The following B4GALT1 variants were observed in gnomAD, a reference collection of about 807,000 sequenced individuals.
The protein encoded by B4GALT1 is beta-1,4-galactosyltransferase 1.
A neutral mutation model predicts 34.9 loss-of-function variants in B4GALT1; 16 were observed. That is an observed-to-expected ratio of 0.46 (90% CI 0.31 to 0.70). The LOEUF is 0.70. B4GALT1 is among the 30% of genes least tolerant of loss of function. The pLI is 0.05. For missense variants in B4GALT1, 445 were observed against 530.5 expected, an observed-to-expected ratio of 0.84 and a Z score of 1.58; for synonymous variants, 221 against 218.1, an observed-to-expected ratio of 1.01 and a Z score of -0.12.
chr9:33,184,187 A>G, the B4GALT1 span, among the ~76,000 whole-genome samples: 2 of 152,018 alleles, frequency 1.3e-5, no homozygotes, highest in African/African-American at 4.8e-5. Flanking sequence ...AAAAGGAAAT[A>G]TAAAAAAGAA....
chr9:33,149,516 C>T (rs1385655637), intron 1 of B4GALT1, among the ~76,000 whole-genome samples: 2 of 152,066 alleles, frequency 1.3e-5, no homozygotes, highest in African/African-American at 2.4e-5. Context: ...AACTTCTGAC[C>T]TCAAGCAATT....
At chr9:33,161,540 A>G (rs1323199659) in intron 1 of B4GALT1, among the ~76,000 whole-genome samples, 1 of 152,072 alleles carries the variant, frequency 6.6e-6, no homozygotes, top group Non-Finnish European at 1.5e-5. Flanking sequence ...GACAGGAGGG[A>G]CCCTGTGAGT....
chr9:33,175,498 C>G, the B4GALT1 span, among the ~76,000 whole-genome samples: 7 of 152,022 alleles, frequency 4.6e-5, no homozygotes, highest in African/African-American at 1.2e-4. Flanking sequence ...GAAATTTACT[C>G]TCAAATACCA....
intron 1 of B4GALT1, among the ~76,000 whole-genome samples, chr9:33,162,576 C>T (rs1840690050): frequency 6.6e-6 from 1 of 152,210 alleles, no homozygotes; most frequent in Admixed American, 6.5e-5. Flanking sequence ...TTCTGAAACG[C>T]TAGGGCATAT....
rs116176313 is a variant in B4GALT1 at position 33,121,183 on chromosome 9, C to G, written c.649-577G>C. Among the ~76,000 whole-genome samples, 801 of 152,218 alleles carry G rather than the reference C, an allele frequency of 5.3e-3. 9 individuals are homozygous for G. The highest frequency in any genetic ancestry group is 0.018 in the African/African-American group (768 of 41,536). On this transcript the variant is annotated intron_variant, in intron 2 of 5. Transcript: ENST00000379731. Reference sequence around the variant, plus strand: ...CACAAACCTAGGCACCTGAGAAATACAGCAAACCCAACTCAACCTCTGCCC... The same window carrying G: ...CACAAACCTAGGCACCTGAGAAATAGAGCAAACCCAACTCAACCTCTGCCC...
chr9:33,181,940 T>G, the B4GALT1 span, among the ~76,000 whole-genome samples: 3 of 120,624 alleles, frequency 2.5e-5, no homozygotes, highest in Admixed American at 2.5e-4. Context: ...GGGACAGGCT[T>G]CTTCTTCTTT....
At chr9:33,107,772 T>G (rs1839809885), downstream of B4GALT1, among the ~76,000 whole-genome samples, 1 of 152,028 alleles carries the variant, frequency 6.6e-6, no homozygotes, top group Admixed American at 6.5e-5. Flanking sequence ...CCCTCCCTGG[T>G]CCCTTGGAGC....
chr9:33,144,006 G>A (rs1246575399), intron 1 of B4GALT1, among the ~76,000 whole-genome samples: 1 of 151,648 alleles, frequency 6.6e-6, no homozygotes, highest in Admixed American at 6.6e-5. Flanking sequence ...TCGGCCTCCT[G>A]AGTAGCTGGG....
At chr9:33,183,195 T>C in the B4GALT1 span, among the ~76,000 whole-genome samples, 1 of 152,206 alleles carries the variant, frequency 6.6e-6, no homozygotes, top group Admixed American at 6.5e-5. Flanking sequence ...TCATCCTTTT[T>C]TCCAGCTTAT....
intron 2 of B4GALT1, among the ~76,000 whole-genome samples, chr9:33,128,232 C>T (rs1840141595): frequency 1.3e-5 from 2 of 151,970 alleles, no homozygotes; most frequent in South Asian, 4.1e-4. Context: ...GGTAAAAGGC[C>T]CCTGCTAGAA....
chr9:33,184,253 TACACACACAC>T, the B4GALT1 span, among the ~76,000 whole-genome samples: 25 of 147,232 alleles, frequency 1.7e-4, no homozygotes, highest in Non-Finnish European at 2.7e-4. Flanking sequence ...GTCACTCTTG[TACACACACAC>T]ACACACACAC....
chr9:33,113,419 G>C lies in B4GALT1; in HGVS notation c.*35C>G. On this transcript the variant is annotated 3_prime_UTR_variant, in exon 6 of 6. Coordinates refer to ENST00000379731, the MANE Select transcript of B4GALT1 (RefSeq NM_001497.4). ...CAGAGACACACAGCAGAGGTCCCTG[G>C]CTAATTTCAGGTCTCTTATCCGTGT... The C allele has an allele frequency of 6.2e-7, 1 of 1,613,880 alleles. No homozygotes were observed. The highest frequency in any genetic ancestry group is 1.7e-5 in the Admixed American group (1 of 60,006).
Position 33,167,026 on chromosome 9 carries a change from G to T in B4GALT1, c.144C>A (p.Ser48Arg). The T allele has an allele frequency of 6.3e-7, 1 of 1,598,720 alleles. No individual in the cohort carries two copies. The change falls in exon 1 of 6, where the codon AGC (serine) becomes AGA (arginine). Residue 48 changes from serine (S) to arginine (R), a missense_variant. Physicochemically the swap from Ser to Arg is moderately radical, Grantham distance 110 (BLOSUM62 -1). Around this residue, in one of 3 missense-constraint regions of B4GALT1, gnomAD observed 349 missense variants for 395.5 expected, o/e 0.88. Transcript: ENST00000379731. ...AGACTCCGACCAGTTGGGGCAGGCG[G>T]CTCAGGTCGCGGCCAGCCAGGTAGT... ...LVYYLAGRDL[S>R]RLPQLVGVST...
At chr9:33,122,597 G>A (rs1206535976) in intron 2 of B4GALT1, among the ~76,000 whole-genome samples, 3 of 152,164 alleles carry the variant, frequency 2.0e-5, no homozygotes, top group Admixed American at 2.0e-4. Context: ...GCACAGATGT[G>A]CCACAGCCAC....
Position 33,116,049 on chromosome 9 carries a change from T to C in B4GALT1, c.901A>G (p.Asn301Asp), listed in dbSNP as rs754385275. 1.9e-6 allele frequency: 3 copies of C among 1,613,512 alleles called. No individual in the cohort carries two copies. Among genetic ancestry groups the C allele is most frequent in the Non-Finnish European group, 2.5e-6 (3 of 1,179,570 alleles). Residue 301 changes from asparagine to aspartate, a missense_variant, in exon 4 of 6, where the codon AAT becomes GAT. Around this residue, in one of 3 missense-constraint regions of B4GALT1, gnomAD observed 7 missense variants for 27.4 expected, o/e 0.26. Coordinates refer to ENST00000379731, the MANE Select transcript of B4GALT1 (RefSeq NM_001497.4). ...CCCCAATAATTATTAGGAAATCCAT[T>C]GATGGTTAGAAACTGTTGTTTACTT... is the stretch of plus-strand genomic sequence containing the variant. ...ALSKQQFLTINGFPNNYWGWG... is the reference protein window; with the variant it reads ...ALSKQQFLTIDGFPNNYWGWG...
At chr9:33,133,805 G>A (rs1181135934) in intron 2 of B4GALT1, among the ~76,000 whole-genome samples, 4 of 141,934 alleles carry the variant, frequency 2.8e-5, no homozygotes, top group Non-Finnish European at 6.4e-5. Flanking sequence ...GCTTAACTCT[G>A]ACACCTGGTC....
chr9:33,135,481 C>T, intron 1 of B4GALT1, 57 bp from the exon 2 acceptor site: 1 of 1,517,718 alleles, frequency 6.6e-7, no homozygotes, highest in East Asian at 2.3e-5. Flanking sequence ...CACCGCTCCA[C>T]AGGCTGCATC....
At chr9:33,175,139 C>T in the B4GALT1 span, among the ~76,000 whole-genome samples, 1 of 147,424 alleles carries the variant, frequency 6.8e-6, no homozygotes, top group African/African-American at 2.5e-5. Flanking sequence ...TAGCAAGACC[C>T]CTGTCTCTAT....
intron 3 of B4GALT1, among the ~76,000 whole-genome samples, chr9:33,117,152 C>A (rs533862289): frequency 1.3e-5 from 2 of 152,164 alleles, no homozygotes; most frequent in African/African-American, 4.8e-5. Flanking sequence ...TCACAGCCCC[C>A]CTTCCACACC....
Sources: gnomAD v4.1 joint callset for allele counts (sites outside exome capture counted in the v4.1 genomes callset) on GRCh38, gnomAD v4.1.1 for gene constraint, gnomAD v4.1.1 regional missense constraint, MANE v1.5 for transcripts, NCBI Gene and HGNC (gene_info 2026-07-23, HGNC 2026-07-21) for gene names.